Variants in HAPLN3 observed in about 807,000 individuals in gnomAD.
HAPLN3 encodes hyaluronan and proteoglycan link protein 3.
A neutral mutation model predicts 28.1 loss-of-function variants in HAPLN3; 28 were observed. The observed-to-expected ratio is 1.00, with a 90% CI of 0.74 to 1.37. The LOEUF (loss-of-function observed/expected upper bound fraction) is 1.37. HAPLN3 is among the 40% of genes most tolerant of loss of function. The probability of loss-of-function intolerance (pLI) is 0.00; values close to 1 mark genes in which losing one functional copy is unlikely to be tolerated. For missense variants in HAPLN3, 513 were observed against 504.6 expected (o/e 1.02, Z -0.16); for synonymous variants, 211 against 213.1 (o/e 0.99, Z 0.09).
At position 88,878,088 on chromosome 15, in the gene HAPLN3, C is replaced by A. The variant is rs374332821; in HGVS notation, c.965G>T (p.Arg322Leu). 10 of 1,613,902 alleles carry A rather than the reference C, an allele frequency of 6.2e-6. No individual in the cohort carries two copies. Among genetic ancestry groups the A allele is most frequent in the Non-Finnish European group, 6.8e-6 (8 of 1,180,006 alleles). ...AGGATGCGGGTGAACCACAGGGTAG[C>A]GGACGCTACCATCTGCCAGCCAGCC... ...DAGWLADGSV[R>L]YPVVHPHPNC... The change falls in exon 5 of 5, where the codon CGC becomes CTC. Residue 322 changes from arginine (R) to leucine (L), a missense_variant. Transcript: ENST00000359595.
At chr15:88,891,164 GCC>G (rs909911644) in intron 1 of HAPLN3, among the ~76,000 whole-genome samples, 3 of 152,158 alleles carry the variant, frequency 2.0e-5, no homozygotes, top group Non-Finnish European at 4.4e-5. Flanking sequence ...ACAGGCGTGA[GCC>G]ACTGCACCCG....
At chr15:88,893,960 C>T (rs1280091981) in intron 1 of HAPLN3, among the ~76,000 whole-genome samples, 2 of 141,004 alleles carry the variant, frequency 1.4e-5, no homozygotes, top group East Asian at 4.0e-4. Context: ...GTGGGGGGGG[C>T]GGTCACGACA....
At chr15:88,892,068 A>G (rs1222976540) in intron 1 of HAPLN3, among the ~76,000 whole-genome samples, 1 of 152,186 alleles carries the variant, frequency 6.6e-6, no homozygotes, top group Non-Finnish European at 1.5e-5. Context: ...AAACAAATGC[A>G]GGCGTTTCTG....
Position 88,879,736 on chromosome 15 carries a change from G to C in HAPLN3, c.494-467C>G. The C allele has an allele frequency of 8.5e-7, 1 of 1,176,212 alleles. No homozygotes were observed. Among genetic ancestry groups the C allele is most frequent in the Non-Finnish European group, 1.1e-6 (1 of 936,036 alleles). The allele number at this position is 1,176,212 out of a possible 1,614,324, so 72.9% of individuals were successfully genotyped here. On this transcript the variant is annotated intron_variant, in intron 3 of 4. Transcript: ENST00000359595. The surrounding 1 kb of genome is among the most constrained non-coding windows in gnomAD (Gnocchi z 5.0). ...TCCACGTGTGGCAGATGATTTTCAG[G>C]AGAAGGAGAGGCCCTAGAGGCCGTG... is the stretch of plus-strand genomic sequence containing the variant.
chr15:88,889,067 C>T (rs1897941013), intron 1 of HAPLN3, among the ~76,000 whole-genome samples: 1 of 152,194 alleles, frequency 6.6e-6, no homozygotes, highest in South Asian at 2.1e-4. Flanking sequence ...AGGAGGAAGA[C>T]GGGGCATTGC....
Position 88,887,316 on chromosome 15 carries a change from A to T in HAPLN3, c.-18T>A, listed in dbSNP as rs759344252. The T allele has an allele frequency of 4.5e-5, 73 of 1,613,624 alleles. 2 individuals are homozygous for T. The South Asian group carries it at 7.8e-4, about 17-fold the overall frequency. ...AGGCCCATCTCCTCATGCCAGGGTGACCCGGGCCAGGCTGGGGCCCCAGGG... is the reference window on the plus strand; with the variant it reads ...AGGCCCATCTCCTCATGCCAGGGTGTCCCGGGCCAGGCTGGGGCCCCAGGG... On this transcript the variant is annotated 5_prime_UTR_variant, in exon 2 of 5. Coordinates refer to ENST00000359595, the MANE Select transcript of HAPLN3 (RefSeq NM_178232.4).
intron 1 of HAPLN3, among the ~76,000 whole-genome samples, chr15:88,890,192 G>C (rs1350702478): frequency 2.0e-5 from 3 of 152,184 alleles, no homozygotes; most frequent in Non-Finnish European, 4.4e-5. Context: ...AGAAAGTTGA[G>C]AGGCCAAATC....
At chr15:88,886,350 T>TA (rs532267599) in intron 2 of HAPLN3, among the ~76,000 whole-genome samples, 10,162 of 127,818 alleles carry the variant, frequency 0.08, 572 homozygotes, top group African/African-American at 0.16. Context: ...GACTCCATCT[T>TA]AAAAAAAAAA....
Position 88,887,445 on chromosome 15 carries a change from C to G in HAPLN3, c.-47-100G>C. ...ACTCACTCGCTTGCTCAACAGCTCA[C>G]TGCGGGACACCTGCCGCCTACGTGC... is the stretch of plus-strand genomic sequence containing the variant. On this transcript the variant is annotated intron_variant, in intron 1 of 4. Transcript: ENST00000359595. The G allele has an allele frequency of 2.8e-6, 3 of 1,084,292 alleles. No individual in the cohort carries two copies. The South Asian group carries it at 4.7e-5, about 17-fold the overall frequency. 67.2% of individuals were successfully genotyped at this position (1,084,292 alleles called of 1,614,324 possible). A position where few individuals can be genotyped will look rare whatever the true frequency, so the allele number is the denominator to read the frequency against.
rs75602199 is a variant in HAPLN3, at chr15:88,880,211, C to T, written c.494-942G>A. On this transcript the variant is annotated intron_variant, in intron 3 of 4. Coordinates refer to ENST00000359595, the MANE Select transcript of HAPLN3 (RefSeq NM_178232.4). The surrounding 1 kb of genome is among the most constrained non-coding windows in gnomAD (Gnocchi z 6.0). ...CCCAAATTCCTAGCCCTTGAAGCCCCGGGAATGGGGTGAGGGCTCCCTGTT... is the reference window on the plus strand; with the variant it reads ...CCCAAATTCCTAGCCCTTGAAGCCCTGGGAATGGGGTGAGGGCTCCCTGTT... 5.4e-3 allele frequency: 5,418 copies of T among 994,622 alleles called. 230 individuals are homozygous for T. The African/African-American group carries it at 0.083, about 15-fold the overall frequency. 61.6% of individuals were successfully genotyped at this position (994,622 alleles called of 1,614,324 possible).
intron 1 of HAPLN3, among the ~76,000 whole-genome samples, chr15:88,887,710 TC>T (rs1897902925): frequency 6.6e-6 from 1 of 152,184 alleles, no homozygotes; most frequent in African/African-American, 2.4e-5. Context: ...ACGCTTATAA[TC>T]CCAGGACTTT....
At chr15:88,894,088 T>A (rs538217466) in intron 1 of HAPLN3, among the ~76,000 whole-genome samples, 15 of 152,218 alleles carry the variant, frequency 9.9e-5, no homozygotes, top group African/African-American at 3.1e-4. Flanking sequence ...CTGTTACTAC[T>A]CTGGTGAGCA....
At chr15:88,883,679 T>C (rs1041595685) in intron 2 of HAPLN3, among the ~76,000 whole-genome samples, 2 of 152,270 alleles carry the variant, frequency 1.3e-5, no homozygotes, top group Admixed American at 6.5e-5. Flanking sequence ...CATTCAATCA[T>C]TGACTTAGAA....
rs1897570444 is a variant in HAPLN3 at position 88,877,850 on chromosome 15, A to C, written c.*120T>G. The C allele has an allele frequency of 9.6e-6, 10 of 1,043,646 alleles. No individual in the cohort carries two copies. The highest frequency in any genetic ancestry group is 1.2e-5 in the Non-Finnish European group (9 of 737,898). 64.6% of individuals were successfully genotyped at this position (1,043,646 alleles called of 1,614,324 possible). On this transcript the variant is annotated 3_prime_UTR_variant, in exon 5 of 5. Transcript: ENST00000359595. The surrounding 1 kb of genome is among the most constrained non-coding windows in gnomAD (Gnocchi z 5.1). The stretch of plus-strand genomic sequence containing the variant: ...ACAAAAAATAGTAAAAAAATGTTTA[A>C]AGAAAATTTAAATTGAGAAGTATAA...
Position 88,880,633 on chromosome 15 carries a change from C to A in HAPLN3, c.493+724G>T. On this transcript the variant is annotated intron_variant, in intron 3 of 4. Coordinates refer to ENST00000359595, the MANE Select transcript of HAPLN3 (RefSeq NM_178232.4). This position sits in a 1 kb window ranked among gnomAD's most constrained non-coding sequence, Gnocchi z 6.0. ...ATCCTAGAGACAGAGAAGGTAAATA[C>A]AAATTAAAGATCAAACAGGGACCCC... 7.8e-7 allele frequency: 1 copy of A among 1,285,474 alleles called. No homozygotes were observed. Among genetic ancestry groups the A allele is most frequent in the Non-Finnish European group, 1.0e-6 (1 of 985,844 alleles). 79.6% of individuals were successfully genotyped at this position (1,285,474 alleles called of 1,614,324 possible). A position where few individuals can be genotyped will look rare whatever the true frequency, so the allele number is the denominator to read the frequency against.
Position 88,887,336 on chromosome 15 carries a change from C to T in HAPLN3, c.-38G>A, listed in dbSNP as rs199886746. The stretch of plus-strand genomic sequence containing the variant: ...GGGTGACCCGGGCCAGGCTGGGGCC[C>T]CAGGGCAAACTGGGAAGGGGAGGAA... On this transcript the variant is annotated 5_prime_UTR_variant, in exon 2 of 5. Transcript: ENST00000359595. 92 of 1,611,712 alleles carry T rather than the reference C, an allele frequency of 5.7e-5. No individual in the cohort carries two copies. Among genetic ancestry groups the T allele is most frequent in the Middle Eastern group, 1.7e-4 (1 of 5,986 alleles).
At position 88,885,940 on chromosome 15, in the gene HAPLN3, T is replaced by A. The variant is rs1457896341; in HGVS notation, c.124+1235A>T. Reference sequence around the variant, plus strand: ...GACCTGGACAACTGGATCAACTCTCTGAGCCTAGTTTGCTCATCTATGAGA... The same window carrying A: ...GACCTGGACAACTGGATCAACTCTCAGAGCCTAGTTTGCTCATCTATGAGA... On this transcript the variant is annotated intron_variant, in intron 2 of 4. Coordinates refer to ENST00000359595, the MANE Select transcript of HAPLN3 (RefSeq NM_178232.4). Among the ~76,000 whole-genome samples the A allele has an allele frequency of 5.3e-5, 8 of 152,306 alleles. No homozygotes were observed. The South Asian group carries it at 1.2e-3, about 24-fold the overall frequency.
Position 88,881,592 on chromosome 15 carries a change from G to T in HAPLN3, c.258C>A (p.Val86=). The part of the protein sequence containing the change: ...PALVSPRRVR[V]KWWKLSENGA... ...CGTTCTCCGACAGCTTCCACCATTT[G>T]ACACGCACACGCCGCGGGGAGACCA... Residue 86 remains valine (V), a synonymous_variant, in exon 3 of 5, where the codon GTC becomes GTA. Transcript: ENST00000359595. This position sits in a 1 kb window ranked among gnomAD's most constrained non-coding sequence, Gnocchi z 6.0. The T allele has an allele frequency of 6.2e-7, 1 of 1,614,006 alleles. No homozygotes were observed. Among genetic ancestry groups the T allele is most frequent in the Non-Finnish European group, 8.5e-7 (1 of 1,180,020 alleles).
At position 88,880,068 on chromosome 15, in the gene HAPLN3, C is replaced by T. The variant is rs1369976600; in HGVS notation, c.494-799G>A. On this transcript the variant is annotated intron_variant, in intron 3 of 4. Transcript: ENST00000359595. The surrounding 1 kb of genome is among the most constrained non-coding windows in gnomAD (Gnocchi z 6.0). ...CCCAAACCTCCGATCTCACCAGGGC[C>T]GGAAGCCAGGCACCTGGGCAAAGCC... The T allele has an allele frequency of 9.1e-5, 90 of 993,232 alleles. No homozygotes were observed. Among genetic ancestry groups the T allele is most frequent in the Middle Eastern group, 5.1e-4 (1 of 1,950 alleles). 61.5% of individuals were successfully genotyped at this position (993,232 alleles called of 1,614,324 possible).
Sources: allele counts gnomAD v4.1 joint callset (sites outside exome capture counted in the v4.1 genomes callset), GRCh38; gene constraint gnomAD v4.1.1; non-coding constraint Gnocchi (gnomAD v3.1); transcripts MANE v1.5; gene names NCBI Gene and HGNC (gene_info 2026-07-23, HGNC 2026-07-21).